Variants in RTN1 observed in about 807,000 individuals in gnomAD.
RTN1 encodes the protein reticulon-1.
A neutral mutation model predicts 65.5 loss-of-function variants in RTN1; 25 were observed. The observed-to-expected ratio is 0.38, with a 90% CI of 0.28 to 0.53. The LOEUF (loss-of-function observed/expected upper bound fraction) is 0.53, where lower values mean the gene tolerates loss of function less well. Among genes scored for constraint, RTN1 ranks in the 20% least tolerant of loss-of-function variants. The probability of loss-of-function intolerance (pLI) is 0.79; values close to 1 mark genes in which losing one functional copy is unlikely to be tolerated. For missense variants in RTN1, 983 were observed against 1,025.4 expected, an observed-to-expected ratio of 0.96 and a Z score of 0.57; for synonymous variants, 471 against 447.6, an observed-to-expected ratio of 1.05 and a Z score of -0.66.
intron 3 of RTN1, among the ~76,000 whole-genome samples, chr14:59,652,639 G>A (rs1466087705): frequency 1.3e-5 from 2 of 151,764 alleles, no homozygotes; most frequent in South Asian, 4.2e-4. Flanking sequence ...GAGAACACAT[G>A]GACACAAAGA....
At chr14:59,806,461 CA>C (rs1886640525) in intron 1 of RTN1, among the ~76,000 whole-genome samples, 1 of 151,982 alleles carries the variant, frequency 6.6e-6, no homozygotes, top group Non-Finnish European at 1.5e-5. Flanking sequence ...TTCAAACCTA[CA>C]TTTTTTTAAC....
At chr14:59,708,090 G>C (rs374204485) in intron 3 of RTN1, among the ~76,000 whole-genome samples, 1 of 152,142 alleles carries the variant, frequency 6.6e-6, no homozygotes, top group Non-Finnish European at 1.5e-5. Context: ...AAATGAATCC[G>C]GTATTGTTAA....
At chr14:59,865,246 C>T (rs1181386976) in intron 1 of RTN1, among the ~76,000 whole-genome samples, 1 of 152,158 alleles carries the variant, frequency 6.6e-6, no homozygotes, top group African/African-American at 2.4e-5. Context: ...TAAGAATCCA[C>T]CATTTTCCCC....
chr14:59,690,655 C>CAAGA (rs1171544181), intron 3 of RTN1, among the ~76,000 whole-genome samples: 1 of 152,060 alleles, frequency 6.6e-6, no homozygotes, highest in Non-Finnish European at 1.5e-5. Context: ...CTCAGCTGGA[C>CAAGA]AAGAAACATA....
intron 1 of RTN1, among the ~76,000 whole-genome samples, chr14:59,767,049 T>A (rs1356235560): frequency 6.6e-6 from 1 of 152,156 alleles, no homozygotes; most frequent in Non-Finnish European, 1.5e-5. Flanking sequence ...CAAAAAAACA[T>A]AATTATGCAG....
intron 3 of RTN1, among the ~76,000 whole-genome samples, chr14:59,646,324 A>G (rs142861194): frequency 2.5e-4 from 38 of 152,374 alleles, no homozygotes; most frequent in Middle Eastern, 3.4e-3. Context: ...AAAGAGGCCC[A>G]AACTATAAAT....
In RTN1 at chr14:59,607,392, G is replaced by A. The variant is rs772270786; in HGVS notation, c.1866C>T (p.Ser622=). The change falls in exon 4 of 9, where the codon AGC becomes AGT. Residue 622 remains serine (S), a synonymous_variant. Coordinates refer to ENST00000267484, the MANE Select transcript of RTN1 (RefSeq NM_021136.3). Reference sequence around the variant, plus strand: ...CGGCCAGGGCCAGGTAGGCCACGACGCTCACCACGCTGAACTGGGTCAGGG... The same window carrying A: ...CGGCCAGGGCCAGGTAGGCCACGACACTCACCACGCTGAACTGGGTCAGGG... ...LFSLTQFSVV[S]VVAYLALAAL... 10 of 1,614,008 alleles carry A rather than the reference G, an allele frequency of 6.2e-6. No individual in the cohort carries two copies. The highest frequency in any genetic ancestry group is 3.3e-5 in the Admixed American group (2 of 60,010).
chr14:59,607,455 C>A lies in RTN1; in HGVS notation c.1803G>T (p.Thr601=), dbSNP rs560184790. The change falls in exon 4 of 9, where the codon ACG becomes ACT. Residue 601 remains threonine, a synonymous_variant. Transcript: ENST00000267484. Reference sequence around the variant, plus strand: ...GCAGGAAACTCCCAAACACGATGCCCGTCTGCTTGATGTCCCGCCAATACA... The same window carrying A: ...GCAGGAAACTCCCAAACACGATGCCAGTCTGCTTGATGTCCCGCCAATACA... ...DLLYWRDIKQ[T]GIVFGSFLLL... The A allele has an allele frequency of 6.2e-7, 1 of 1,608,086 alleles. No individual in the cohort carries two copies. Among genetic ancestry groups the A allele is most frequent in the Non-Finnish European group, 8.5e-7 (1 of 1,177,054 alleles).
intron 1 of RTN1, among the ~76,000 whole-genome samples, chr14:59,827,737 T>C (rs1161867496): frequency 6.6e-6 from 1 of 152,186 alleles, no homozygotes; most frequent in Non-Finnish European, 1.5e-5. Flanking sequence ...AAGGCTCAGG[T>C]CAGCCAACCC....
intron 1 of RTN1, among the ~76,000 whole-genome samples, chr14:59,833,893 C>A (rs1246907170): frequency 6.6e-6 from 1 of 152,172 alleles, no homozygotes; most frequent in Non-Finnish European, 1.5e-5. Flanking sequence ...ACCAATAATT[C>A]AGAATTTTCC....
chr14:59,676,617 A>G (rs751516913), intron 3 of RTN1, among the ~76,000 whole-genome samples: 1 of 152,128 alleles, frequency 6.6e-6, no homozygotes, highest in Non-Finnish European at 1.5e-5. Context: ...GCAGGACAAC[A>G]TGAAAGGTGG....
In RTN1 at chr14:59,790,257, A is replaced by G. The variant is rs1159507583; in HGVS notation, c.242-43776T>C. On this transcript the variant is annotated intron_variant, in intron 1 of 8. Coordinates refer to ENST00000267484, the MANE Select transcript of RTN1 (RefSeq NM_021136.3). This position sits in a 1 kb window ranked among gnomAD's most constrained non-coding sequence, Gnocchi z 4.1. ...TTAAGTGGTAACAATCTACTCATTC[A>G]TTATGTATGTCACACACACACACAG... Among the ~76,000 whole-genome samples, 2 of 152,064 alleles carry G rather than the reference A, an allele frequency of 1.3e-5. No individual in the cohort carries two copies. The highest frequency in any genetic ancestry group is 2.4e-5 in the African/African-American group (1 of 41,440).
intron 2 of RTN1, among the ~76,000 whole-genome samples, chr14:59,729,210 G>T (rs1215797093): frequency 6.6e-6 from 1 of 152,194 alleles, no homozygotes; most frequent in Non-Finnish European, 1.5e-5. Flanking sequence ...TGATTCCCAG[G>T]TATCATAGGC....
At chr14:59,682,814 G>A (rs1883772090) in intron 3 of RTN1, among the ~76,000 whole-genome samples, 1 of 152,082 alleles carries the variant, frequency 6.6e-6, no homozygotes, top group Non-Finnish European at 1.5e-5. Context: ...CTAATCATAG[G>A]GAATATAGTT....
At chr14:59,723,695 A>G (rs965905053) in intron 3 of RTN1, among the ~76,000 whole-genome samples, 3 of 152,228 alleles carry the variant, frequency 2.0e-5, no homozygotes, top group African/African-American at 7.2e-5. Flanking sequence ...AGAATCACAT[A>G]TGCACTTATG....
intron 2 of RTN1, among the ~76,000 whole-genome samples, chr14:59,733,834 T>TG (rs1020939646): frequency 6.6e-6 from 1 of 152,108 alleles, no homozygotes; most frequent in African/African-American, 2.4e-5. Flanking sequence ...CCAAACCAAT[T>TG]GGGGGCTGAA....
chr14:59,624,802 CAAT>C (rs1882349741), intron 3 of RTN1, among the ~76,000 whole-genome samples: 1 of 152,114 alleles, frequency 6.6e-6, no homozygotes, highest in African/African-American at 2.4e-5. Flanking sequence ...AGTATATCAA[CAAT>C]ACATGGGTGC....
chr14:59,769,249 T>C (rs1442730748), intron 1 of RTN1, among the ~76,000 whole-genome samples: 1 of 152,218 alleles, frequency 6.6e-6, no homozygotes, highest in South Asian at 2.1e-4. Flanking sequence ...TTATTCTGCA[T>C]TGCAATTTCT....
At chr14:59,706,267 T>C (rs1182808212) in intron 3 of RTN1, among the ~76,000 whole-genome samples, 1 of 152,214 alleles carries the variant, frequency 6.6e-6, no homozygotes, top group Non-Finnish European at 1.5e-5. Context: ...TCCCAGGCTA[T>C]TGTCTCTTCT....
Sources: allele counts gnomAD v4.1 joint callset (sites outside exome capture counted in the v4.1 genomes callset), GRCh38; gene constraint gnomAD v4.1.1; non-coding constraint Gnocchi (gnomAD v3.1); transcripts MANE v1.5; gene names NCBI Gene and HGNC (gene_info 2026-07-23, HGNC 2026-07-21).